The following ARHGAP45 variants were observed in gnomAD, a reference collection of about 807,000 sequenced individuals.
ARHGAP45 encodes the protein rho GTPase-activating protein 45.
A neutral mutation model predicts 116.1 loss-of-function variants in ARHGAP45; 56 were observed. The observed-to-expected ratio is 0.48, with a 90% CI of 0.39 to 0.60. The LOEUF (loss-of-function observed/expected upper bound fraction) is 0.60. Among genes scored for constraint, ARHGAP45 ranks in the 20% least tolerant of loss-of-function variants. The pLI, the probability that ARHGAP45 is intolerant of heterozygous loss-of-function variation, is 0.00. For synonymous variants in ARHGAP45, 866 were observed against 701.7 expected, an observed-to-expected ratio of 1.23 and a Z score of -3.70; for missense variants, 1,622 against 1,601.0, an observed-to-expected ratio of 1.01 and a Z score of -0.22.
chr19:1,075,016 C>G (rs1255047044), intron 10 of ARHGAP45, 137 bp downstream of exon 10: 1 of 574,970 alleles, frequency 1.7e-6, no homozygotes, highest in Non-Finnish European at 2.4e-6. Flanking sequence ...CGCGGCCTCG[C>G]AGGCTGGGCC....
At chr19:1,066,221 G>A (rs2043028237), upstream of ARHGAP45, 1 of 1,458,020 alleles carries the variant, frequency 6.9e-7, no homozygotes, top group Non-Finnish European at 9.2e-7. Context: ...ATTGGGGGTG[G>A]GGTTCTGGAA....
Position 1,082,837 on chromosome 19 carries a change from C to A in ARHGAP45, c.2518-3C>A. On this transcript the variant is annotated splice_polypyrimidine_tract_variant and splice_region_variant and intron_variant, in intron 19 of 22. Coordinates refer to ENST00000313093, the MANE Select transcript of ARHGAP45 (RefSeq NM_012292.5). The stretch of plus-strand genomic sequence containing the variant: ...ACACCTGCTGACCCTTGACTCTGCG[C>A]AGCTTCCCGAGCCGCTCATCTCCTT... 6.7e-7 allele frequency: 1 copy of A among 1,491,178 alleles called. No individual in the cohort carries two copies. The highest frequency in any genetic ancestry group is 8.9e-7 in the Non-Finnish European group (1 of 1,120,070). 92.4% of individuals were successfully genotyped at this position (1,491,178 alleles called of 1,614,324 possible).
Position 1,081,075 on chromosome 19 carries a change from C to A in ARHGAP45, c.2190+11C>A. ...GCTGAGTGTGAAGAGGTGAGTGGGA[C>A]GCCCCGACGGACAGCTGGGAGCCTT... On this transcript the variant is annotated intron_variant, in intron 17 of 22. Transcript: ENST00000313093. 2 of 1,593,248 alleles carry A rather than the reference C, an allele frequency of 1.3e-6. No individual in the cohort carries two copies. The highest frequency in any genetic ancestry group is 1.1e-5 in the South Asian group (1 of 87,994).
In ARHGAP45 at chr19:1,080,024, G is replaced by A; in HGVS notation, c.1609G>A (p.Gly537Ser). The change falls in exon 13 of 23, where the codon GGC (glycine) becomes AGC (serine). Residue 537 changes from glycine (G) to serine (S), a missense_variant. Coordinates refer to ENST00000313093, the MANE Select transcript of ARHGAP45 (RefSeq NM_012292.5). Reference protein sequence around the residue: ...LCESSKLYDPGQQYASHVRQL... With the variant: ...LCESSKLYDPSQQYASHVRQL... ...TGAGAGCAGCAAGCTGTATGACCCA[G>A]GCCAGCAGTACGCCTCCCACGTGCG... 1.2e-6 allele frequency: 2 copies of A among 1,612,946 alleles called. No homozygotes were observed. The highest frequency in any genetic ancestry group is 1.1e-5 in the South Asian group (1 of 91,088).
rs73505251 is a variant in ARHGAP45, at chr19:1,068,096, T to A, written c.91-318T>A. Among the ~76,000 whole-genome samples the A allele has an allele frequency of 0.038, 5,733 of 151,526 alleles. 374 individuals are homozygous for A. The highest frequency in any genetic ancestry group is 0.13 in the African/African-American group (5,506 of 41,242). ...TTAAAGCACCTGCGTTGTAGGAGCC[T>A]GAGGGGGGCTTGAAGGGCTGAGGAC... On this transcript the variant is annotated intron_variant, in intron 1 of 22. Coordinates refer to ENST00000313093, the MANE Select transcript of ARHGAP45 (RefSeq NM_012292.5). This position sits in a 1 kb window ranked among gnomAD's most constrained non-coding sequence, Gnocchi z 7.5.
chr19:1,067,192 C>T lies in ARHGAP45; in HGVS notation c.-214C>T. ...ACTCCGCAGAGCCGCAGGCTGAGGC[C>T]GGGAAGGGTCGGGGGCGAGGCCGCG... is the stretch of plus-strand genomic sequence containing the variant. On this transcript the variant is annotated 5_prime_UTR_variant, in exon 1 of 23. Coordinates refer to ENST00000313093, the MANE Select transcript of ARHGAP45 (RefSeq NM_012292.5). 6 of 1,326,260 alleles carry T rather than the reference C, an allele frequency of 4.5e-6. No homozygotes were observed. Among genetic ancestry groups the T allele is most frequent in the Non-Finnish European group, 4.8e-6 (5 of 1,042,804 alleles). The allele number at this position is 1,326,260 out of a possible 1,614,324, so 82.2% of individuals were successfully genotyped here.
At chr19:1,084,447 G>T in intron 22 of ARHGAP45, 101 bp downstream of exon 22, 1 of 850,734 alleles carries the variant, frequency 1.2e-6, no homozygotes. Flanking sequence ...CAGGGTCCAC[G>T]GTGCTGCACA....
At position 1,068,977 on chromosome 19, in the gene ARHGAP45, C is replaced by A. The variant is rs939409837; in HGVS notation, c.421+233C>A. Among the ~76,000 whole-genome samples, 1 of 151,806 alleles carries A rather than the reference C, an allele frequency of 6.6e-6. No individual in the cohort carries two copies. Among genetic ancestry groups the A allele is most frequent in the Non-Finnish European group, 1.5e-5 (1 of 68,002 alleles). On this transcript the variant is annotated intron_variant, in intron 2 of 22. Coordinates refer to ENST00000313093, the MANE Select transcript of ARHGAP45 (RefSeq NM_012292.5). The surrounding 1 kb of genome is among the most constrained non-coding windows in gnomAD (Gnocchi z 7.5). ...GCCCACTTTATTTTTTTTAAAGGAT[C>A]TGATGGCAATTAGGAGGGAAAGGCA... is the stretch of plus-strand genomic sequence containing the variant.
rs570645737 is a variant in ARHGAP45, at chr19:1,069,613, T to C, written c.421+869T>C. ...GGCCTCTGCACCTTCAGGGCACTAG[T>C]TGGGGAAGGCCCGGTCCCCACTGGG... On this transcript the variant is annotated intron_variant, in intron 2 of 22. Transcript: ENST00000313093. The surrounding 1 kb of genome is among the most constrained non-coding windows in gnomAD (Gnocchi z 4.1). Among the ~76,000 whole-genome samples, 2 of 152,214 alleles carry C rather than the reference T, an allele frequency of 1.3e-5. No individual in the cohort carries two copies. Among genetic ancestry groups the C allele is most frequent in the African/African-American group, 4.8e-5 (2 of 41,540 alleles).
intron 5 of ARHGAP45, 31 bp downstream of exon 5, chr19:1,073,777 C>G: frequency 6.4e-7 from 1 of 1,562,772 alleles, no homozygotes; most frequent in Non-Finnish European, 8.7e-7. Flanking sequence ...CCACCTGTGT[C>G]CAGCTTCTGG....
rs538289902 is a variant in ARHGAP45 at position 1,068,126 on chromosome 19, C to T, written c.91-288C>T. ...GGGGCTTGAAGGGCTGAGGACCCTCCCCACCCCCACCAGGAAGTGGGGACC... is the reference window on the plus strand; with the variant it reads ...GGGGCTTGAAGGGCTGAGGACCCTCTCCACCCCCACCAGGAAGTGGGGACC... On this transcript the variant is annotated intron_variant, in intron 1 of 22. Transcript: ENST00000313093. This position sits in a 1 kb window ranked among gnomAD's most constrained non-coding sequence, Gnocchi z 7.5. Among the ~76,000 whole-genome samples, 1 of 152,178 alleles carries T rather than the reference C, an allele frequency of 6.6e-6. No individual in the cohort carries two copies. The highest frequency in any genetic ancestry group is 2.1e-4 in the South Asian group (1 of 4,820).
intron 10 of ARHGAP45, among the ~76,000 whole-genome samples, chr19:1,076,814 T>G (rs944454243): frequency 2.6e-5 from 4 of 152,084 alleles, no homozygotes; most frequent in African/African-American, 9.7e-5. Context: ...ATATCTTTGG[T>G]AGAGATGGGG....
At chr19:1,076,842 G>A (rs1240508829) in intron 10 of ARHGAP45, among the ~76,000 whole-genome samples, 1 of 152,014 alleles carries the variant, frequency 6.6e-6, no homozygotes, top group Non-Finnish European at 1.5e-5. Context: ...ATGTTGGCCA[G>A]GCTGGTCTCG....
At chr19:1,085,542 T>TCTCTCCCCATCTCTCCTGA in intron 22 of ARHGAP45, 118 bp from the exon 23 acceptor site, 1 of 712,426 alleles carries the variant, frequency 1.4e-6, no homozygotes, top group South Asian at 1.9e-5. Context: ...ATCTCTCCTG[T>TCTCTCCCCATCTCTCCTGA]CTCTCCATCT....
chr19:1,072,222 G>A lies in ARHGAP45; in HGVS notation c.422-927G>A, dbSNP rs533024650. ...CATTACAGAGGAGTGCCACCACGCT[G>A]CTACTTTTTGTATTTTTAGTAGAGG... On this transcript the variant is annotated intron_variant, in intron 2 of 22. Transcript: ENST00000313093. 4.0e-5 allele frequency among the ~76,000 whole-genome samples: 6 copies of A among 151,832 alleles called. No individual in the cohort carries two copies. In the South Asian group the frequency reaches 1.2e-3, roughly 32 times the overall value.
upstream of ARHGAP45, chr19:1,066,099 G>A (rs1391611467): frequency 7.2e-6 from 11 of 1,535,720 alleles, no homozygotes; most frequent in East Asian, 2.7e-4. Context: ...TGGAGAGCCA[G>A]ACTTGGAGCA....
chr19:1,085,556 TC>T (rs533921741), intron 22 of ARHGAP45, 103 bp from the exon 23 acceptor site: 1 of 771,854 alleles, frequency 1.3e-6, no homozygotes, highest in African/African-American at 2.0e-5. Flanking sequence ...TCCATCTCTC[TC>T]CCCCCTCTCC....
At chr19:1,067,691 T>A in intron 1 of ARHGAP45, 196 bp downstream of exon 1, 2 of 707,818 alleles carry the variant, frequency 2.8e-6, no homozygotes, top group African/African-American at 1.8e-5. Context: ...ACCCTGGGAG[T>A]GGTGGCCGCC....
At chr19:1,076,290 T>C (rs2043246218) in intron 10 of ARHGAP45, among the ~76,000 whole-genome samples, 1 of 152,106 alleles carries the variant, frequency 6.6e-6, no homozygotes, top group Middle Eastern at 3.2e-3. Context: ...TTAGTTCTTA[T>C]CCTTTGCTTA....
Sources: allele counts gnomAD v4.1 joint callset (sites outside exome capture counted in the v4.1 genomes callset), GRCh38; gene constraint gnomAD v4.1.1; non-coding constraint Gnocchi (gnomAD v3.1); transcripts MANE v1.5; gene names NCBI Gene and HGNC (gene_info 2026-07-23, HGNC 2026-07-21).